The following SEPTIN3 variants were observed in gnomAD, a reference collection of about 807,000 sequenced individuals.
SEPTIN3 encodes the protein septin 3, also known as neuronal-specific septin-3.
SEPTIN3 carries 15 observed loss-of-function variants against 45.1 expected under a neutral mutation model. That is an observed-to-expected ratio of 0.33 (90% CI 0.22 to 0.51). The LOEUF (loss-of-function observed/expected upper bound fraction) is 0.51, where lower values mean the gene tolerates loss of function less well. Ranked by LOEUF, SEPTIN3 falls within the 20% of genes least tolerant of loss-of-function variation. The probability of loss-of-function intolerance (pLI) is 0.97; values close to 1 mark genes in which losing one functional copy is unlikely to be tolerated. For missense variants in SEPTIN3, 289 were observed against 457.2 expected (o/e 0.63, Z 3.35); for synonymous variants, 148 against 164.8 (o/e 0.90, Z 0.78).
intron 7 of SEPTIN3, among the ~76,000 whole-genome samples, chr22:41,990,192 C>G (rs1432859710): frequency 6.6e-6 from 1 of 151,976 alleles, no homozygotes; most frequent in Non-Finnish European, 1.5e-5. Context: ...AGGCACCCAC[C>G]ACCACGCCTG....
chr22:41,990,810 T>C (rs540856844), intron 7 of SEPTIN3, among the ~76,000 whole-genome samples: 2 of 142,934 alleles, frequency 1.4e-5, no homozygotes, highest in South Asian at 4.6e-4. Flanking sequence ...ACGCCTGTAA[T>C]CCCAGCACTT....
intron 6 of SEPTIN3, among the ~76,000 whole-genome samples, chr22:41,989,258 T>C (rs1401997355): frequency 2.7e-5 from 4 of 149,748 alleles, no homozygotes; most frequent in Non-Finnish European, 3.0e-5. Flanking sequence ...GTAGAGACAG[T>C]AGTCCACAGA....
In SEPTIN3 at chr22:41,997,294, C is replaced by G. The variant is rs375145174; in HGVS notation, c.*327C>G. The G allele has an allele frequency of 5.8e-4, 197 of 337,554 alleles. No individual in the cohort carries two copies. The South Asian group carries it at 8.1e-3, about 14-fold the overall frequency. 20.9% of individuals were successfully genotyped at this position (337,554 alleles called of 1,614,324 possible). On this transcript the variant is annotated 3_prime_UTR_variant, in exon 12 of 12. Transcript: ENST00000644076. ...CCATCCCAGCTACTTGTAACCATCT[C>G]TAAGGGCAATGGCATTGCTCCCTAC...
chr22:41,982,372 A>C (rs1392860626), intron 3 of SEPTIN3, among the ~76,000 whole-genome samples: 3 of 151,994 alleles, frequency 2.0e-5, no homozygotes, highest in African/African-American at 7.2e-5. Context: ...GCCAGGTGTG[A>C]TGGCGCATGC....
At chr22:41,986,497 T>C (rs2040124797) in intron 4 of SEPTIN3, among the ~76,000 whole-genome samples, 1 of 151,546 alleles carries the variant, frequency 6.6e-6, no homozygotes, top group African/African-American at 2.4e-5. Flanking sequence ...CTTTTTTTGT[T>C]TGTTTGTTGT....
At chr22:41,978,181 T>A (rs1602411691) in intron 2 of SEPTIN3, among the ~76,000 whole-genome samples, 1 of 151,510 alleles carries the variant, frequency 6.6e-6, no homozygotes, top group South Asian at 2.1e-4. Flanking sequence ...CACTGGGGGG[T>A]CAGCTGCTCT....
At chr22:41,985,666 C>A in intron 3 of SEPTIN3, 1 of 182,204 alleles carries the variant, frequency 5.5e-6, no homozygotes, top group Non-Finnish European at 1.2e-5. Flanking sequence ...AAAACCTAAG[C>A]AAAAAATGGA....
intron 11 of SEPTIN3, chr22:41,995,549 G>A (rs759479686): frequency 1.0e-4 from 100 of 984,786 alleles, no homozygotes; most frequent in East Asian, 2.3e-4. Flanking sequence ...CCTCTCCTGC[G>A]TGTCTCTGAC....
At chr22:41,990,534 A>G (rs967805809) in intron 7 of SEPTIN3, among the ~76,000 whole-genome samples, 1 of 138,790 alleles carries the variant, frequency 7.2e-6, no homozygotes, top group African/African-American at 2.7e-5. Context: ...TCACGAAGTC[A>G]GGAGATCAAG....
chr22:41,995,230 T>C, intron 11 of SEPTIN3: 1 of 993,894 alleles, frequency 1.0e-6, no homozygotes, highest in Non-Finnish European at 1.2e-6. Context: ...GGCAGGGAGT[T>C]CAGGACAACC....
chr22:41,985,110 G>A (rs57318716), intron 3 of SEPTIN3, among the ~76,000 whole-genome samples: 6,133 of 152,012 alleles, frequency 0.04, 373 homozygotes, highest in African/African-American at 0.13. Context: ...CGCCTGTCTC[G>A]GCCTCCCAAA....
At position 41,994,320 on chromosome 22, in the gene SEPTIN3, T is replaced by A; in HGVS notation, c.2390T>A (p.Leu797Gln). The change falls in exon 10 of 12, where the codon CTG (leucine) becomes CAG (glutamine). Residue 797 changes from leucine (L) to glutamine (Q), a missense_variant. This residue lies in a region of SEPTIN3 where 84 missense variants were observed against 114.7 expected (regional missense o/e 0.73). Transcript: ENST00000644076. This position sits in a 1 kb window ranked among gnomAD's most constrained non-coding sequence, Gnocchi z 4.2. Reference sequence around the variant, plus strand: ...AACCTCAACCACTGTGAGTTTGCCCTGCTTCGAGACTTTGTCATCAGGTAA... The same window carrying A: ...AACCTCAACCACTGTGAGTTTGCCCAGCTTCGAGACTTTGTCATCAGGTAA... Reference protein sequence around the residue: ...VENLNHCEFALLRDFVIRTHL... With the variant: ...VENLNHCEFAQLRDFVIRTHL... 1.2e-6 allele frequency: 2 copies of A among 1,614,106 alleles called. No homozygotes were observed. The highest frequency in any genetic ancestry group is 1.7e-6 in the Non-Finnish European group (2 of 1,180,016).
chr22:41,995,244 C>G (rs1252944047), intron 11 of SEPTIN3: 5 of 991,382 alleles, frequency 5.0e-6, no homozygotes, highest in Non-Finnish European at 4.8e-6. Flanking sequence ...GACAACCCTC[C>G]TGTAAGTTGG....
chr22:41,992,722 A>G lies in SEPTIN3; in HGVS notation c.2318A>G (p.Lys773Arg). 6.2e-7 allele frequency: 1 copy of G among 1,612,870 alleles called. No homozygotes were observed. Residue 773 changes from lysine (K) to arginine (R), a missense_variant, in exon 9 of 12, where the codon AAG becomes AGG. Coordinates refer to ENST00000644076, the MANE Select transcript of SEPTIN3 (RefSeq NM_001363845.2). ...GSDKEYQVNG[K>R]RVLGRKTPWG... Reference sequence around the variant, plus strand: ...GACAAGGAGTACCAAGTGAATGGCAAGAGGGTCCTCGGCCGAAAAACTCCA... The same window carrying G: ...GACAAGGAGTACCAAGTGAATGGCAGGAGGGTCCTCGGCCGAAAAACTCCA...
In SEPTIN3 at chr22:41,987,703, C is replaced by T. The variant is rs1371420249; in HGVS notation, c.1989C>T (p.Arg663=). The T allele has an allele frequency of 6.2e-7, 1 of 1,614,110 alleles. No homozygotes were observed. Among genetic ancestry groups the T allele is most frequent in the South Asian group, 1.1e-5 (1 of 91,078 alleles). The change falls in exon 6 of 12, where the codon CGC becomes CGT. Residue 663 remains arginine (R), a synonymous_variant. Coordinates refer to ENST00000644076, the MANE Select transcript of SEPTIN3 (RefSeq NM_001363845.2). Reference sequence around the variant, plus strand: ...AGGTCAACATCGCCAGGAAGAAACGCATCCCTGACACTCGTGTCCACTGCT... The same window carrying T: ...AGGTCAACATCGCCAGGAAGAAACGTATCCCTGACACTCGTGTCCACTGCT... ...KEEVNIARKK[R]IPDTRVHCCL...
At chr22:41,987,316 C>G in intron 5 of SEPTIN3, 29 bp downstream of exon 5, 1 of 1,567,232 alleles carries the variant, frequency 6.4e-7, no homozygotes, top group Non-Finnish European at 8.8e-7. Context: ...GATCTTTGCC[C>G]TAAAGACTCT....
chr22:41,989,705 C>T (rs756993711), intron 7 of SEPTIN3, 21 bp downstream of exon 7: 5 of 1,479,244 alleles, frequency 3.4e-6, no homozygotes, highest in Non-Finnish European at 3.8e-6. Flanking sequence ...CCCCTGTCTT[C>T]TTTTCCTGTT....
At chr22:41,987,854 GCCTC>G in intron 6 of SEPTIN3, 95 bp downstream of exon 6, 35 of 1,377,030 alleles carry the variant, frequency 2.5e-5, no homozygotes, top group Non-Finnish European at 3.2e-5. Context: ...ACTCAGCTAG[GCCTC>G]CCTAGCTGAG....
intron 11 of SEPTIN3, chr22:41,995,119 C>T: frequency 9.2e-7 from 1 of 1,087,868 alleles, no homozygotes. Flanking sequence ...GTGCTGGGAG[C>T]AGGTGAGCCA....
Sources: gnomAD v4.1 joint callset for allele counts (sites outside exome capture counted in the v4.1 genomes callset) on GRCh38, gnomAD v4.1.1 for gene constraint, gnomAD v4.1.1 regional missense constraint, Gnocchi (gnomAD v3.1) non-coding constraint, MANE v1.5 for transcripts, NCBI Gene and HGNC (gene_info 2026-07-23, HGNC 2026-07-21) for gene names.